ROR1: variants seen among roughly 807,000 people sequenced by gnomAD.
The protein encoded by ROR1 is inactive tyrosine-protein kinase transmembrane receptor ROR1.
A neutral mutation model predicts 78.8 loss-of-function variants in ROR1; 19 were observed. The ratio of observed to expected loss-of-function variants is 0.24; its 90% confidence interval spans 0.17 to 0.35. ROR1 has a LOEUF of 0.35. Among genes scored for constraint, ROR1 ranks in the 10% least tolerant of loss-of-function variants. The probability of loss-of-function intolerance (pLI) is 1.00; values close to 1 mark genes in which losing one functional copy is unlikely to be tolerated. For missense variants in ROR1, 917 were observed against 1,177.8 expected (o/e 0.78, Z 3.24); for synonymous variants, 386 against 433.6 (o/e 0.89, Z 1.36).
Position 64,178,271 on chromosome 1 carries a change from G to C in ROR1, c.2230G>C (p.Val744Leu), listed in dbSNP as rs150607362. Residue 744 changes from valine to leucine, a missense_variant, in exon 9 of 9, where the codon GTC becomes CTC. Val to Leu is a conservative substitution (Grantham distance 32). Coordinates refer to ENST00000371079, the MANE Select transcript of ROR1 (RefSeq NM_005012.4). This position sits in a 1 kb window ranked among gnomAD's most constrained non-coding sequence, Gnocchi z 4.3. ...GAGACCAAGATTTAAAGATATTCAC[G>C]TCCGGCTTCGGTCCTGGGAGGGACT... is the stretch of plus-strand genomic sequence containing the variant. ...SRRPRFKDIHVRLRSWEGLSS... is the reference protein window; with the variant it reads ...SRRPRFKDIHLRLRSWEGLSS... 6.2e-7 allele frequency: 1 copy of C among 1,614,036 alleles called. No homozygotes were observed. Among genetic ancestry groups the C allele is most frequent in the Middle Eastern group, 1.6e-4 (1 of 6,062 alleles).
chr1:63,903,714 A>C (rs1363710531), intron 1 of ROR1, among the ~76,000 whole-genome samples: 2 of 151,934 alleles, frequency 1.3e-5, no homozygotes, highest in African/African-American at 4.8e-5. Context: ...CTATATAAGC[A>C]TATATAAACA....
chr1:63,777,381 G>C (rs986937452), intron 1 of ROR1, among the ~76,000 whole-genome samples: 1 of 152,194 alleles, frequency 6.6e-6, no homozygotes, highest in East Asian at 1.9e-4. Flanking sequence ...AAAACACTGA[G>C]AGCCCAAGTC....
intron 1 of ROR1, among the ~76,000 whole-genome samples, chr1:63,917,801 C>G (rs191584451): frequency 6.6e-6 from 1 of 152,090 alleles, no homozygotes; most frequent in Non-Finnish European, 1.5e-5. Context: ...TGCCACCTGC[C>G]CCTGGTGGAG....
intron 4 of ROR1, among the ~76,000 whole-genome samples, chr1:64,051,797 G>C (rs945803150): frequency 6.6e-6 from 1 of 152,094 alleles, no homozygotes; most frequent in African/African-American, 2.4e-5. Context: ...GTAGACTTTT[G>C]AAATAAAATT....
intron 1 of ROR1, among the ~76,000 whole-genome samples, chr1:63,854,256 A>G (rs1360271287): frequency 1.3e-5 from 2 of 152,204 alleles, no homozygotes; most frequent in Non-Finnish European, 2.9e-5. Flanking sequence ...GGCATTCTTC[A>G]GTAGACTTGT....
chr1:64,138,835 T>C (rs1476216811), intron 5 of ROR1, among the ~76,000 whole-genome samples: 1 of 152,106 alleles, frequency 6.6e-6, no homozygotes, highest in East Asian at 1.9e-4. Context: ...AAGAATGCCT[T>C]AATGTACTTT....
chr1:64,146,708 A>G (rs755980229), intron 7 of ROR1, among the ~76,000 whole-genome samples: 2 of 152,148 alleles, frequency 1.3e-5, no homozygotes, highest in African/African-American at 2.4e-5. Flanking sequence ...ACTCGTTTTC[A>G]TTTCGATGCC....
At chr1:64,010,891 A>C (rs1227023795) in intron 2 of ROR1, among the ~76,000 whole-genome samples, 1 of 151,764 alleles carries the variant, frequency 6.6e-6, no homozygotes, top group Non-Finnish European at 1.5e-5. Context: ...CTTTCCTGAG[A>C]CCTCCCCAGC....
At chr1:63,810,914 A>G (rs1394085620) in intron 1 of ROR1, among the ~76,000 whole-genome samples, 1 of 152,138 alleles carries the variant, frequency 6.6e-6, no homozygotes, top group Non-Finnish European at 1.5e-5. Context: ...AAAGAAAGAC[A>G]TGCTTGTCAA....
chr1:63,966,670 T>C (rs1247558851), intron 1 of ROR1, among the ~76,000 whole-genome samples: 1 of 152,184 alleles, frequency 6.6e-6, no homozygotes, highest in Non-Finnish European at 1.5e-5. Context: ...ACTTAGAGCT[T>C]CCTGTTTCTT....
chr1:64,144,707 A>T (rs1039954464), intron 7 of ROR1, among the ~76,000 whole-genome samples: 8 of 152,206 alleles, frequency 5.3e-5, no homozygotes, highest in Non-Finnish European at 1.2e-4. Context: ...CATGATTTTA[A>T]CTCAGGTCAG....
chr1:63,805,541 T>C (rs1644823403), intron 1 of ROR1, among the ~76,000 whole-genome samples: 1 of 151,892 alleles, frequency 6.6e-6, no homozygotes, highest in African/African-American at 2.4e-5. Context: ...CTAGCCAGAG[T>C]GTAAGAGAGG....
intron 1 of ROR1, among the ~76,000 whole-genome samples, chr1:63,960,384 G>T (rs935059515): frequency 6.6e-6 from 1 of 152,302 alleles, no homozygotes; most frequent in Admixed American, 6.5e-5. Flanking sequence ...GCAGCTCTGT[G>T]GTCAAGACCG....
At chr1:63,843,471 C>G (rs1645061819) in intron 1 of ROR1, 2 of 766,378 alleles carry the variant, frequency 2.6e-6, no homozygotes, top group African/African-American at 1.7e-5. Context: ...TGGCAGCATC[C>G]TGACAAAGGT....
chr1:63,906,906 G>A (rs1439433523), intron 1 of ROR1, among the ~76,000 whole-genome samples: 1 of 152,162 alleles, frequency 6.6e-6, no homozygotes, highest in Non-Finnish European at 1.5e-5. Context: ...CCAAAGCAAA[G>A]TGAATGCTTC....
intron 1 of ROR1, among the ~76,000 whole-genome samples, chr1:63,900,853 A>T (rs1267158757): frequency 1.3e-5 from 2 of 152,208 alleles, no homozygotes; most frequent in Non-Finnish European, 2.9e-5. Context: ...TTATGGTTGC[A>T]TTCTTCATTT....
At position 64,037,338 on chromosome 1, in the gene ROR1, T is replaced by A. The variant is rs560684816; in HGVS notation, c.164-12353T>A. ...GAACACTTTTCAGGGAGCTTTCATT[T>A]CAGCTGGAAGCCATGATTTTCAGAC... On this transcript the variant is annotated intron_variant, in intron 2 of 8. Coordinates refer to ENST00000371079, the MANE Select transcript of ROR1 (RefSeq NM_005012.4). Among the ~76,000 whole-genome samples the A allele has an allele frequency of 3.3e-5, 5 of 152,318 alleles. No individual in the cohort carries two copies. The South Asian group carries it at 1.0e-3, about 32-fold the overall frequency.
chr1:63,966,052 T>TGACACC (rs1646072426), intron 1 of ROR1, among the ~76,000 whole-genome samples: 1 of 152,226 alleles, frequency 6.6e-6, no homozygotes, highest in South Asian at 2.1e-4. Flanking sequence ...ATGTTAGAGC[T>TGACACC]TGGGTGTAGT....
chr1:63,944,930 T>C (rs1645871925), intron 1 of ROR1, among the ~76,000 whole-genome samples: 1 of 152,164 alleles, frequency 6.6e-6, no homozygotes, highest in Admixed American at 6.5e-5. Flanking sequence ...TCTCTCAACC[T>C]CTCTTGCATA....
Sources: allele counts gnomAD v4.1 joint callset (sites outside exome capture counted in the v4.1 genomes callset), GRCh38; gene constraint gnomAD v4.1.1; non-coding constraint Gnocchi (gnomAD v3.1); transcripts MANE v1.5; gene names NCBI Gene and HGNC (gene_info 2026-07-23, HGNC 2026-07-21).